DISC1: variants seen among roughly 807,000 people sequenced by gnomAD.
The protein encoded by DISC1 is DISC1 scaffold protein.
In DISC1, 57 loss-of-function variants were observed where a neutral mutation model predicts 84.5. That is an observed-to-expected ratio of 0.67 (90% CI 0.55 to 0.84). DISC1 has a LOEUF of 0.84. Ranked by LOEUF, DISC1 falls within the 40% of genes least tolerant of loss-of-function variation. DISC1 has a pLI of 0.00. For missense variants in DISC1, 1,000 were observed against 1,057.8 expected, an observed-to-expected ratio of 0.95 and a Z score of 0.76; for synonymous variants, 411 against 415.2, an observed-to-expected ratio of 0.99 and a Z score of 0.12.
chr1:232,024,080 T>TC (rs1669219459), intron 11 of DISC1, among the ~76,000 whole-genome samples: 1 of 151,650 alleles, frequency 6.6e-6, no homozygotes, highest in Non-Finnish European at 1.5e-5. Flanking sequence ...TATATATATT[T>TC]ATCTGTGATT....
At chr1:231,967,873 TA>T (rs1661327353) in intron 10 of DISC1, among the ~76,000 whole-genome samples, 2 of 152,060 alleles carry the variant, frequency 1.3e-5, no homozygotes, top group Admixed American at 1.3e-4. Context: ...CTGCATAAAA[TA>T]TAACAAAATG....
chr1:231,849,918 T>C (rs16855254), intron 9 of DISC1, among the ~76,000 whole-genome samples: 10,995 of 152,284 alleles, frequency 0.072, 895 homozygotes, highest in African/African-American at 0.2. Context: ...TCGATCCTTA[T>C]TGCATTCAGT....
At chr1:231,931,149 A>G (rs2090631942) in intron 9 of DISC1, among the ~76,000 whole-genome samples, 1 of 152,132 alleles carries the variant, frequency 6.6e-6, no homozygotes, top group Non-Finnish European at 1.5e-5. Flanking sequence ...AGATGGAGGT[A>G]GTTCTTAGTT....
intron 1 of DISC1, among the ~76,000 whole-genome samples, chr1:231,645,538 A>C (rs1482523987): frequency 6.6e-6 from 1 of 150,668 alleles, no homozygotes; most frequent in African/African-American, 2.5e-5. Flanking sequence ...AATTTATTAT[A>C]CTTTAAGGTC....
At chr1:231,633,411 C>T (rs372564696) in intron 1 of DISC1, among the ~76,000 whole-genome samples, 3 of 152,264 alleles carry the variant, frequency 2.0e-5, no homozygotes, top group South Asian at 4.1e-4. Context: ...GAGGGGGCTG[C>T]GTTGGATGAT....
At chr1:232,023,684 A>C (rs1470736904) in intron 11 of DISC1, among the ~76,000 whole-genome samples, 1 of 152,186 alleles carries the variant, frequency 6.6e-6, no homozygotes, top group Admixed American at 6.5e-5. Flanking sequence ...CTCTGATTTC[A>C]TATTTGTTGT....
intron 6 of DISC1, 101 bp from the exon 7 acceptor site, chr1:231,795,134 TTCGTCCA>T (rs2078656574): frequency 5.7e-6 from 6 of 1,054,070 alleles, no homozygotes; most frequent in Middle Eastern, 2.0e-4. Context: ...CCTGCACTTC[TTCGTCCA>T]TCAGACCAGT....
chr1:232,022,485 A>G (rs903661558), intron 11 of DISC1, among the ~76,000 whole-genome samples: 2 of 151,878 alleles, frequency 1.3e-5, no homozygotes. Context: ...TTTTTGTATT[A>G]TTAGCAGAGA....
At chr1:231,982,937 A>G (rs1353075511) in intron 10 of DISC1, among the ~76,000 whole-genome samples, 1 of 152,226 alleles carries the variant, frequency 6.6e-6, no homozygotes, top group Non-Finnish European at 1.5e-5. Context: ...ATTAATTTTA[A>G]CAGAGAACTG....
At chr1:231,753,193 C>A (rs1319343387) in intron 4 of DISC1, among the ~76,000 whole-genome samples, 1 of 152,218 alleles carries the variant, frequency 6.6e-6, no homozygotes, top group Non-Finnish European at 1.5e-5. Context: ...CTCCACATTC[C>A]CCCTCCATAT....
chr1:231,683,578 A>G (rs771590155), intron 1 of DISC1, among the ~76,000 whole-genome samples: 2 of 150,336 alleles, frequency 1.3e-5, no homozygotes, highest in African/African-American at 2.5e-5. Flanking sequence ...GTATTCTGTG[A>G]CCAACCCTTC....
chr1:231,885,196 G>GA (rs2086594491), intron 9 of DISC1, among the ~76,000 whole-genome samples: 1 of 152,074 alleles, frequency 6.6e-6, no homozygotes, highest in Admixed American at 6.5e-5. Context: ...TGAAACATAC[G>GA]AAAAAATGAC....
chr1:231,818,509 C>T lies in DISC1; in HGVS notation c.1973C>T (p.Thr658Ile), dbSNP rs768871439. The T allele has an allele frequency of 9.9e-6, 16 of 1,614,092 alleles. No individual in the cohort carries two copies. The highest frequency in any genetic ancestry group is 8.5e-7 in the Non-Finnish European group (1 of 1,179,970). The change falls in exon 9 of 13, where the codon ACT (threonine) becomes ATT (isoleucine). Residue 658 changes from threonine (T) to isoleucine (I), a missense_variant. Physicochemically the swap from Thr to Ile is moderately conservative, Grantham distance 89. Transcript: ENST00000439617. ...RLRREVEHQE[T>I]AYETSVKENT... ...AGAAGAGAAGTGGAGCACCAGGAGA[C>T]TGCCTATGGTAGGTAGTGCACAACT...
At chr1:231,818,066 C>T (rs183623439) in intron 8 of DISC1, among the ~76,000 whole-genome samples, 70 of 152,202 alleles carry the variant, frequency 4.6e-4, no homozygotes, top group African/African-American at 1.4e-3. Flanking sequence ...TCATACTTTA[C>T]GGGAGATGGC....
At chr1:231,738,460 C>A (rs968615605) in intron 3 of DISC1, among the ~76,000 whole-genome samples, 2 of 152,056 alleles carry the variant, frequency 1.3e-5, no homozygotes, top group African/African-American at 4.8e-5. Flanking sequence ...TGTTGGATGA[C>A]CTTCAGCCTG....
At chr1:231,971,938 G>A (rs888902578) in intron 10 of DISC1, among the ~76,000 whole-genome samples, 1 of 152,166 alleles carries the variant, frequency 6.6e-6, no homozygotes, top group African/African-American at 2.4e-5. Context: ...TCACCAACAG[G>A]ATGACTTGTG....
At position 232,009,096 on chromosome 1, in the gene DISC1, G is replaced by A; in HGVS notation, c.2307+47G>A. Reference sequence around the variant, plus strand: ...TCCAGAGGGGACCCTTATTCTAAGGGGTGCTTTGGGACCATGCTCCAAATG... The same window carrying A: ...TCCAGAGGGGACCCTTATTCTAAGGAGTGCTTTGGGACCATGCTCCAAATG... On this transcript the variant is annotated intron_variant, in intron 11 of 12. Coordinates refer to ENST00000439617, the MANE Select transcript of DISC1 (RefSeq NM_018662.3). The surrounding 1 kb of genome is among the most constrained non-coding windows in gnomAD (Gnocchi z 4.6). 1.2e-6 allele frequency: 2 copies of A among 1,612,284 alleles called. No homozygotes were observed. Among genetic ancestry groups the A allele is most frequent in the South Asian group, 1.1e-5 (1 of 90,578 alleles).
At chr1:231,785,150 C>T (rs1573802201) in intron 6 of DISC1, among the ~76,000 whole-genome samples, 2 of 151,992 alleles carry the variant, frequency 1.3e-5, no homozygotes. Context: ...TTTTGTTATC[C>T]ACTTGCCCTC....
chr1:231,662,112 C>T (rs1572619125), intron 1 of DISC1, among the ~76,000 whole-genome samples: 1 of 152,216 alleles, frequency 6.6e-6, no homozygotes, highest in Non-Finnish European at 1.5e-5. Context: ...TGGCTGCCAG[C>T]TCCTTCCTGT....
Sources: gnomAD v4.1 joint callset for allele counts (sites outside exome capture counted in the v4.1 genomes callset) on GRCh38, gnomAD v4.1.1 for gene constraint, Gnocchi (gnomAD v3.1) non-coding constraint, MANE v1.5 for transcripts, NCBI Gene and HGNC (gene_info 2026-07-23, HGNC 2026-07-21) for gene names.